Variants in MARK3 observed in about 807,000 individuals in gnomAD.
MARK3 encodes the protein MAP/microtubule affinity-regulating kinase 3.
A neutral mutation model predicts 90.1 loss-of-function variants in MARK3; 46 were observed. The observed-to-expected ratio is 0.51, with a 90% confidence interval of 0.40 to 0.65. The LOEUF (loss-of-function observed/expected upper bound fraction) is 0.65. Ranked by LOEUF, MARK3 falls within the 30% of genes least tolerant of loss-of-function variation. MARK3 has a pLI of 0.00. For synonymous variants in MARK3, 321 were observed against 332.6 expected (o/e 0.97, Z 0.38); for missense variants, 818 against 947.2 (o/e 0.86, Z 1.79).
chr14:103,457,569 G>C (rs17679717), intron 6 of MARK3, among the ~76,000 whole-genome samples: 8,160 of 152,208 alleles, frequency 0.054, 258 homozygotes, highest in Non-Finnish European at 0.079. Context: ...TTCATTATTA[G>C]CTTTGTCTGA....
chr14:103,446,344 G>A (rs1028750881), intron 3 of MARK3, among the ~76,000 whole-genome samples: 3 of 152,112 alleles, frequency 2.0e-5, no homozygotes, highest in African/African-American at 7.2e-5. Flanking sequence ...TGGCCAACGT[G>A]GCAAAACCCC....
intron 15 of MARK3, among the ~76,000 whole-genome samples, chr14:103,495,388 G>C (rs1415993322): frequency 6.6e-6 from 1 of 151,866 alleles, no homozygotes; most frequent in African/African-American, 2.4e-5. Flanking sequence ...GGTGAGGCAA[G>C]AGGATGGCTT....
chr14:103,405,748 A>AT lies in MARK3; in HGVS notation c.243+496dup, dbSNP rs869133624. On this transcript the variant is annotated intron_variant, in intron 2 of 17. Coordinates refer to ENST00000429436, the MANE Select transcript of MARK3 (RefSeq NM_001128918.3). ...AGGCGCACACCACCACACCACGCTA[A>AT]TTTTTTTTTTTTTTTGTATTTTTGT... 5.5e-3 allele frequency among the ~76,000 whole-genome samples: 780 copies of AT among 141,004 alleles called. 13 individuals are homozygous for AT. Among genetic ancestry groups the AT allele is most frequent in the East Asian group, 0.013 (64 of 4,792 alleles). 92.5% of individuals were successfully genotyped at this position (141,004 alleles called of 152,430 possible).
At chr14:103,418,082 CTGTG>C (rs1275746005) in intron 2 of MARK3, among the ~76,000 whole-genome samples, 1 of 151,840 alleles carries the variant, frequency 6.6e-6, no homozygotes, top group Non-Finnish European at 1.5e-5. Flanking sequence ...AGAAAGAAAG[CTGTG>C]TGTGTGTCTC....
At position 103,400,943 on chromosome 14, in the gene MARK3, TTGTG is replaced by T. The variant is rs61635275; in HGVS notation, c.52-4097_52-4094del. On this transcript the variant is annotated intron_variant, in intron 1 of 17. Transcript: ENST00000429436. The stretch of plus-strand genomic sequence containing the variant: ...AGTTATCAAAGAATTATATAACATT[TTGTG>T]TGTGTGTGTGTGTGTGTGTGTGTGT... 2.5e-3 allele frequency among the ~76,000 whole-genome samples: 303 copies of T among 123,568 alleles called. 1 individual carries two copies. Among genetic ancestry groups the T allele is most frequent in the Middle Eastern group, 8.3e-3 (2 of 242 alleles). 81.1% of individuals were successfully genotyped at this position (123,568 alleles called of 152,430 possible).
intron 14 of MARK3, among the ~76,000 whole-genome samples, chr14:103,481,028 A>G (rs1196395904): frequency 1.3e-5 from 2 of 152,254 alleles, no homozygotes; most frequent in Non-Finnish European, 2.9e-5. Context: ...CATAGCAAGC[A>G]TACATAGGAT....
chr14:103,486,700 A>G (rs1238398165), intron 14 of MARK3, among the ~76,000 whole-genome samples: 1 of 152,136 alleles, frequency 6.6e-6, no homozygotes, highest in Non-Finnish European at 1.5e-5. Context: ...TGTTGTAAAT[A>G]GGATTTTTGT....
chr14:103,459,414 G>A (rs1278229860), intron 6 of MARK3, among the ~76,000 whole-genome samples: 1 of 152,104 alleles, frequency 6.6e-6, no homozygotes, highest in East Asian at 1.9e-4. Context: ...TTCTTCCATG[G>A]TATTTGCCTA....
chr14:103,499,980 AGC>A (rs756745175), intron 16 of MARK3, 174 bp from the exon 17 acceptor site: 13 of 625,250 alleles, frequency 2.1e-5, no homozygotes, highest in Non-Finnish European at 3.2e-5. Flanking sequence ...GGAAGAAGGT[AGC>A]GCTGGCTCAG....
intron 2 of MARK3, chr14:103,412,809 T>C: frequency 2.5e-6 from 1 of 398,506 alleles, no homozygotes; most frequent in Non-Finnish European, 4.7e-6. Flanking sequence ...GTTGGTTTTA[T>C]AAATTATTAA....
At chr14:103,456,696 C>G (rs1345483803) in intron 5 of MARK3, among the ~76,000 whole-genome samples, 2 of 152,230 alleles carry the variant, frequency 1.3e-5, no homozygotes, top group African/African-American at 2.4e-5. Context: ...TGCATCTCCC[C>G]AGAACCTACC....
chr14:103,429,649 A>C (rs776399013), intron 3 of MARK3, among the ~76,000 whole-genome samples: 1 of 152,228 alleles, frequency 6.6e-6, no homozygotes, highest in Non-Finnish European at 1.5e-5. Context: ...CAAGGTGGGC[A>C]TGAAACATCT....
chr14:103,432,343 C>T (rs1218979189), intron 3 of MARK3, among the ~76,000 whole-genome samples: 1 of 152,118 alleles, frequency 6.6e-6, no homozygotes, highest in African/African-American at 2.4e-5. Flanking sequence ...ATGCAAAATA[C>T]CCAGTAGGAT....
chr14:103,414,282 C>G (rs556319796), intron 2 of MARK3, among the ~76,000 whole-genome samples: 6 of 151,532 alleles, frequency 4.0e-5, no homozygotes, highest in Non-Finnish European at 8.8e-5. Flanking sequence ...CTCAGCTCAC[C>G]GCAACCTCCA....
intron 1 of MARK3, among the ~76,000 whole-genome samples, chr14:103,386,694 A>C (rs1006356805): frequency 6.6e-6 from 1 of 152,198 alleles, no homozygotes; most frequent in African/African-American, 2.4e-5. Context: ...GAGTTGGTTA[A>C]ACATTTTGAA....
intron 1 of MARK3, among the ~76,000 whole-genome samples, chr14:103,400,982 T>TGTGTGTGTGTGTGC (rs2090929008): frequency 7.1e-6 from 1 of 141,820 alleles, no homozygotes; most frequent in Non-Finnish European, 1.5e-5. Flanking sequence ...TGTGTGTGTG[T>TGTGTGTGTGTGTGC]ATGCAGGTTG....
intron 14 of MARK3, 24 bp from the exon 15 acceptor site, chr14:103,491,753 G>A: frequency 6.2e-7 from 1 of 1,609,768 alleles, no homozygotes; most frequent in African/African-American, 1.3e-5. Flanking sequence ...TGTTCTGAGA[G>A]CTTCTTACTT....
intron 15 of MARK3, among the ~76,000 whole-genome samples, chr14:103,492,781 C>A (rs948044381): frequency 1.3e-5 from 2 of 152,058 alleles, no homozygotes; most frequent in Non-Finnish European, 2.9e-5. Context: ...TTACCTGTTA[C>A]AAAAGCCCAG....
At chr14:103,428,320 TC>T (rs1464423821) in intron 2 of MARK3, 66 bp from the exon 3 acceptor site, 2 of 812,730 alleles carry the variant, frequency 2.5e-6, no homozygotes, top group Non-Finnish European at 3.9e-6. Flanking sequence ...ATGCCATATA[TC>T]TTGGCATTTA....
Sources: allele counts gnomAD v4.1 joint callset (sites outside exome capture counted in the v4.1 genomes callset), GRCh38; gene constraint gnomAD v4.1.1; transcripts MANE v1.5; gene names NCBI Gene and HGNC (gene_info 2026-07-23, HGNC 2026-07-21).